RAB10: variants seen among roughly 807,000 people sequenced by gnomAD.
RAB10 encodes the protein ras-related protein Rab-10.
RAB10 carries 5 observed loss-of-function variants against 25.7 expected under a neutral mutation model. The observed-to-expected ratio is 0.19, with a 90% confidence interval of 0.10 to 0.41. The LOEUF is 0.41. Among genes scored for constraint, RAB10 ranks in the 10% least tolerant of loss-of-function variants. The pLI is 1.00. For synonymous variants in RAB10, 89 were observed against 86.4 expected (o/e 1.03, Z -0.16); for missense variants, 103 against 245.8 (o/e 0.42, Z 3.89).
At chr2:26,077,665 A>G (rs1473086647) in intron 1 of RAB10, among the ~76,000 whole-genome samples, 1 of 152,144 alleles carries the variant, frequency 6.6e-6, no homozygotes, top group Non-Finnish European at 1.5e-5. Flanking sequence ...TTCAGAATAG[A>G]ATTGCTACCC....
intron 3 of RAB10, among the ~76,000 whole-genome samples, chr2:26,122,714 G>A (rs997786727): frequency 2.6e-5 from 4 of 152,174 alleles, no homozygotes; most frequent in African/African-American, 4.8e-5. Context: ...AAAGCAAAAC[G>A]GAAGAGAAGC....
rs1668095664 is a variant in RAB10, at chr2:26,135,631, G to A, written c.*610G>A. ...AAACATAAACCATTAAAATGTTTGT[G>A]GTTTGCTTGGCTGTAATTTTCAAAG... On this transcript the variant is annotated 3_prime_UTR_variant, in exon 6 of 6. Transcript: ENST00000264710. The A allele has an allele frequency of 6.6e-6, 1 of 152,588 alleles. No individual in the cohort carries two copies. The highest frequency in any genetic ancestry group is 1.5e-5 in the Non-Finnish European group (1 of 68,030). The allele number at this position is 152,588 out of a possible 1,614,324, so 9.5% of individuals were successfully genotyped here.
intron 1 of RAB10, among the ~76,000 whole-genome samples, chr2:26,069,957 C>G (rs1238918812): frequency 6.6e-6 from 1 of 152,152 alleles, no homozygotes; most frequent in Admixed American, 6.5e-5. Flanking sequence ...TCTGCCCTCC[C>G]CGGCTTCCCA....
chr2:26,089,116 T>C (rs1667050454), intron 1 of RAB10, among the ~76,000 whole-genome samples: 1 of 151,972 alleles, frequency 6.6e-6, no homozygotes, highest in Non-Finnish European at 1.5e-5. Flanking sequence ...CTCAGAAATA[T>C]ATTTATTCAT....
intron 1 of RAB10, among the ~76,000 whole-genome samples, chr2:26,039,483 A>G (rs1665837808): frequency 6.6e-6 from 1 of 151,168 alleles, no homozygotes; most frequent in Non-Finnish European, 1.5e-5. Context: ...AGTAGCTGGG[A>G]TTACAGGTAC....
chr2:26,107,811 A>C (rs939297041), intron 2 of RAB10, among the ~76,000 whole-genome samples: 2 of 151,966 alleles, frequency 1.3e-5, no homozygotes, highest in Middle Eastern at 3.4e-3. Context: ...AAAAAACCCC[A>C]AAAACAAAAA....
chr2:26,088,197 A>T (rs1427929932), intron 1 of RAB10, among the ~76,000 whole-genome samples: 1 of 152,206 alleles, frequency 6.6e-6, no homozygotes, highest in Non-Finnish European at 1.5e-5. Context: ...TCAGAAGCCA[A>T]GCTCTGGAAA....
At position 26,127,899 on chromosome 2, in the gene RAB10, A is replaced by G; in HGVS notation, c.467A>G (p.Asn156Ser). The change falls in exon 5 of 6, where the codon AAT (asparagine) becomes AGT (serine). Residue 156 changes from asparagine to serine, a missense_variant. Physicochemically the swap from Asn to Ser is conservative, Grantham distance 46. Coordinates refer to ENST00000264710, the MANE Select transcript of RAB10 (RefSeq NM_016131.5). ...IRFFETSAKANINIEKAFLTL... is the reference protein window; with the variant it reads ...IRFFETSAKASINIEKAFLTL... ...TTTTTTGAGACTAGTGCAAAAGCAAATATAAACATCGAAAAGGCGTTCCTC... is the reference window on the plus strand; with the variant it reads ...TTTTTTGAGACTAGTGCAAAAGCAAGTATAAACATCGAAAAGGCGTTCCTC... 1 of 1,611,766 alleles carries G rather than the reference A, an allele frequency of 6.2e-7. No individual in the cohort carries two copies. The highest frequency in any genetic ancestry group is 8.5e-7 in the Non-Finnish European group (1 of 1,177,812).
chr2:26,040,448 G>A (rs1448473641), intron 1 of RAB10, among the ~76,000 whole-genome samples: 1 of 152,128 alleles, frequency 6.6e-6, no homozygotes, highest in Non-Finnish European at 1.5e-5. Flanking sequence ...AAGTTCACTT[G>A]AAGTCAGGAG....
At chr2:26,117,637 A>AAAAAAAAAAAAAC (rs1559597816) in intron 3 of RAB10, among the ~76,000 whole-genome samples, 2 of 138,136 alleles carry the variant, frequency 1.4e-5, no homozygotes, top group African/African-American at 2.7e-5. Context: ...AAAAAAAAAC[A>AAAAAAAAAAAAAC]AAAAAAACAA....
At chr2:26,128,866 G>A (rs750130447) in intron 5 of RAB10, among the ~76,000 whole-genome samples, 3 of 152,080 alleles carry the variant, frequency 2.0e-5, no homozygotes, top group Non-Finnish European at 4.4e-5. Context: ...TAGGAAATCG[G>A]ATTTTCGTAT....
chr2:26,083,517 G>T (rs1222310309), intron 1 of RAB10, among the ~76,000 whole-genome samples: 1 of 149,568 alleles, frequency 6.7e-6, no homozygotes, highest in African/African-American at 2.5e-5. Context: ...AGGCTGGAGT[G>T]CAGTGGCACC....
rs115576335 is a variant in RAB10, at chr2:26,051,085, G to T, written c.127+16350G>T. Among the ~76,000 whole-genome samples, 937 of 151,978 alleles carry T rather than the reference G, an allele frequency of 6.2e-3. 12 individuals carry two copies. Among genetic ancestry groups the T allele is most frequent in the African/African-American group, 0.021 (876 of 41,452 alleles). On this transcript the variant is annotated intron_variant, in intron 1 of 5. Coordinates refer to ENST00000264710, the MANE Select transcript of RAB10 (RefSeq NM_016131.5). Reference sequence around the variant, plus strand: ...CCTAAGTAGCTAGGACTACAGGCATGTGCCACTGCATCTGGTTAATTTTTA... The same window carrying T: ...CCTAAGTAGCTAGGACTACAGGCATTTGCCACTGCATCTGGTTAATTTTTA...
At chr2:26,095,931 A>G (rs1667201980) in intron 1 of RAB10, among the ~76,000 whole-genome samples, 1 of 152,042 alleles carries the variant, frequency 6.6e-6, no homozygotes, top group African/African-American at 2.4e-5. Context: ...ACAGAACAAA[A>G]AGCAAGCTCT....
At chr2:26,117,483 C>G (rs1177563608) in intron 3 of RAB10, among the ~76,000 whole-genome samples, 7 of 151,856 alleles carry the variant, frequency 4.6e-5, no homozygotes, top group Non-Finnish European at 8.8e-5. Flanking sequence ...GGCATGGTGG[C>G]GGGTGCCTGT....
At chr2:26,052,247 A>G (rs6546726) in intron 1 of RAB10, among the ~76,000 whole-genome samples, 116,758 of 151,518 alleles carry the variant, frequency 0.77, 45,002 homozygotes, top group East Asian at 0.87. Flanking sequence ...GTAACTGATC[A>G]TGGTGGTTCA....
chr2:26,109,824 C>T lies in RAB10; in HGVS notation c.245C>T (p.Ala82Val). The change falls in exon 3 of 6, where the codon GCA becomes GTA. Residue 82 changes from alanine to valine, a missense_variant. By Grantham distance (64) the Ala-to-Val change is moderately conservative. Coordinates refer to ENST00000264710, the MANE Select transcript of RAB10 (RefSeq NM_016131.5). ...ATCACAACCTCCTACTACAGAGGCG[C>T]AATGGGTATCATGCTAGTATATGAC... ...HTITTSYYRG[A>V]MGIMLVYDIT... is the part of the protein sequence containing the mutation. The T allele has an allele frequency of 6.2e-7, 1 of 1,610,886 alleles. No homozygotes were observed. The highest frequency in any genetic ancestry group is 8.5e-7 in the Non-Finnish European group (1 of 1,178,672).
chr2:26,128,841 AAC>A (rs1442976991), intron 5 of RAB10, among the ~76,000 whole-genome samples: 2 of 61,350 alleles, frequency 3.3e-5, no homozygotes, highest in African/African-American at 1.0e-4. Context: ...TAGTGTAAGT[AAC>A]ATGTAGTCAA....
chr2:26,055,250 G>C (rs1157752438), intron 1 of RAB10, among the ~76,000 whole-genome samples: 1 of 152,178 alleles, frequency 6.6e-6, no homozygotes, highest in Non-Finnish European at 1.5e-5. Flanking sequence ...TCTGAAGTTA[G>C]AATATGATTC....
Sources: allele counts gnomAD v4.1 joint callset (sites outside exome capture counted in the v4.1 genomes callset), GRCh38; gene constraint gnomAD v4.1.1; transcripts MANE v1.5; gene names NCBI Gene and HGNC (gene_info 2026-07-23, HGNC 2026-07-21).